The following PPARD variants were observed in gnomAD, a reference collection of about 807,000 sequenced individuals.
PPARD encodes peroxisome proliferator-activated receptor delta.
In PPARD, 6 loss-of-function variants were observed where a neutral mutation model predicts 39.5. The observed-to-expected ratio is 0.15, with a 90% CI of 0.08 to 0.30. The LOEUF (loss-of-function observed/expected upper bound fraction) is 0.30, where lower values mean the gene tolerates loss of function less well. PPARD is among the 10% of genes least tolerant of loss of function. The pLI is 1.00. For synonymous variants in PPARD, 210 were observed against 231.3 expected, an observed-to-expected ratio of 0.91 and a Z score of 0.83; for missense variants, 397 against 596.8, an observed-to-expected ratio of 0.67 and a Z score of 3.49.
chr6:35,359,583 C>T (rs773797620), intron 2 of PPARD, among the ~76,000 whole-genome samples: 15 of 152,068 alleles, frequency 9.9e-5, no homozygotes, highest in Non-Finnish European at 1.8e-4. Context: ...CCCCCTGGCC[C>T]GCTGTTTCTT....
intron 2 of PPARD, among the ~76,000 whole-genome samples, chr6:35,351,023 G>A (rs983062967): frequency 1.3e-5 from 2 of 151,648 alleles, no homozygotes; most frequent in African/African-American, 4.8e-5. Context: ...TTTTTTGTTT[G>A]TTTGTTTGTT....
chr6:35,424,827 C>T lies in PPARD; in HGVS notation c.1078+48C>T, dbSNP rs1260273997. ...GGCTGGCCTGGCACACCCAGTCGTC[C>T]TGGGGGTTGGCCCTCACTGCAGGGC... is the stretch of plus-strand genomic sequence containing the variant. On this transcript the variant is annotated intron_variant, in intron 7 of 7. Coordinates refer to ENST00000360694, the MANE Select transcript of PPARD (RefSeq NM_006238.5). The surrounding 1 kb of genome is among the most constrained non-coding windows in gnomAD (Gnocchi z 7.1). The T allele has an allele frequency of 1.1e-5, 17 of 1,590,008 alleles. No individual in the cohort carries two copies. Among genetic ancestry groups the T allele is most frequent in the Admixed American group, 1.7e-5 (1 of 58,702 alleles).
intron 2 of PPARD, among the ~76,000 whole-genome samples, chr6:35,404,591 C>A (rs1764910058): frequency 6.6e-6 from 1 of 152,180 alleles, no homozygotes; most frequent in Non-Finnish European, 1.5e-5. Context: ...ACCTGAGTCA[C>A]CACGAGGAGT....
chr6:35,402,910 C>T (rs2150738144), intron 2 of PPARD, among the ~76,000 whole-genome samples: 1 of 152,320 alleles, frequency 6.6e-6, no homozygotes, highest in African/African-American at 2.4e-5. Context: ...ATCCCAAAAG[C>T]ACCTGCCACG....
intron 2 of PPARD, among the ~76,000 whole-genome samples, chr6:35,352,016 G>GCACC (rs113149304): frequency 0.074 from 11,169 of 151,734 alleles, 749 homozygotes; most frequent in African/African-American, 0.18. Context: ...CTACATGCAT[G>GCACC]CACCATCATG....
In PPARD at chr6:35,415,408, G is replaced by A. The variant is rs9470019; in HGVS notation, c.130+4191G>A. Reference sequence around the variant, plus strand: ...TGGCTGTCTTCACAGCCATGACAACGGCATTCTCCCAGCATTGGAGGCTAG... The same window carrying A: ...TGGCTGTCTTCACAGCCATGACAACAGCATTCTCCCAGCATTGGAGGCTAG... On this transcript the variant is annotated intron_variant, in intron 3 of 7. Transcript: ENST00000360694. 6.1e-3 allele frequency among the ~76,000 whole-genome samples: 928 copies of A among 152,278 alleles called. 9 individuals are homozygous for A. Among genetic ancestry groups the A allele is most frequent in the African/African-American group, 0.021 (883 of 41,546 alleles).
chr6:35,356,235 T>G (rs1323728888), intron 2 of PPARD, among the ~76,000 whole-genome samples: 5 of 152,230 alleles, frequency 3.3e-5, no homozygotes, highest in Non-Finnish European at 7.3e-5. Flanking sequence ...CTAGGACCAC[T>G]TGATCCTTAT....
At chr6:35,379,582 T>C (rs749023491) in intron 2 of PPARD, among the ~76,000 whole-genome samples, 2 of 152,200 alleles carry the variant, frequency 1.3e-5, no homozygotes, top group Non-Finnish European at 2.9e-5. Context: ...TGCACTCTAG[T>C]TGGAGAGAAT....
intron 2 of PPARD, among the ~76,000 whole-genome samples, chr6:35,378,171 C>G (rs995186584): frequency 1.3e-5 from 2 of 152,056 alleles, no homozygotes; most frequent in African/African-American, 4.8e-5. Context: ...CACGTATCTC[C>G]TTTTTTCAGC....
intron 2 of PPARD, among the ~76,000 whole-genome samples, chr6:35,405,239 A>G (rs1371970451): frequency 6.6e-6 from 1 of 151,702 alleles, no homozygotes; most frequent in Admixed American, 6.6e-5. Flanking sequence ...GGGTTTTGCC[A>G]TGTTGGCCAG....
chr6:35,361,196 A>ATAAC (rs1425345854), intron 2 of PPARD, among the ~76,000 whole-genome samples: 1 of 152,182 alleles, frequency 6.6e-6, no homozygotes, highest in Non-Finnish European at 1.5e-5. Context: ...CATGGGGGTG[A>ATAAC]TAACTGTAGA....
chr6:35,345,874 G>GTTTTT (rs947186291), intron 1 of PPARD, among the ~76,000 whole-genome samples: 16 of 114,606 alleles, frequency 1.4e-4, no homozygotes, highest in East Asian at 2.4e-4. Flanking sequence ...CTTTTTTTTC[G>GTTTTT]TTTTTTTTTT....
chr6:35,418,689 C>G (rs1765940595), intron 3 of PPARD, among the ~76,000 whole-genome samples: 1 of 120,126 alleles, frequency 8.3e-6, no homozygotes, highest in South Asian at 3.0e-4. Flanking sequence ...CTGTCCCAGT[C>G]TGGGTCAAGA....
At chr6:35,374,624 C>A (rs1353482709) in intron 2 of PPARD, among the ~76,000 whole-genome samples, 1 of 149,168 alleles carries the variant, frequency 6.7e-6, no homozygotes, top group East Asian at 2.0e-4. Context: ...CGCCCCTGCA[C>A]TCCAGCCTGG....
chr6:35,419,669 T>G (rs888092737), intron 3 of PPARD, among the ~76,000 whole-genome samples: 1 of 152,218 alleles, frequency 6.6e-6, no homozygotes, highest in Admixed American at 6.5e-5. Flanking sequence ...TCTACAGTCC[T>G]GCAGTTTCTG....
At position 35,380,468 on chromosome 6, in the gene PPARD, T is replaced by G. The variant is rs367754633; in HGVS notation, c.-101-30519T>G. Among the ~76,000 whole-genome samples the G allele has an allele frequency of 8.6e-3, 811 of 94,810 alleles. 8 individuals carry two copies. The highest frequency in any genetic ancestry group is 0.042 in the Middle Eastern group (8 of 192). 62.2% of individuals were successfully genotyped at this position (94,810 alleles called of 152,430 possible). On this transcript the variant is annotated intron_variant, in intron 2 of 7. Transcript: ENST00000360694. ...AGCCAATTAACCTCGTGTTTTTTTT[T>G]TTTGTTTGTTTTTTTTTTTTTTTTT... is the stretch of plus-strand genomic sequence containing the variant.
At chr6:35,398,485 C>T (rs998505938) in intron 2 of PPARD, among the ~76,000 whole-genome samples, 2 of 152,050 alleles carry the variant, frequency 1.3e-5, no homozygotes, top group Non-Finnish European at 2.9e-5. Context: ...ATTGGACATC[C>T]GTGTGGAGGT....
At chr6:35,407,669 A>AAAAT (rs1192472153) in intron 2 of PPARD, among the ~76,000 whole-genome samples, 4 of 150,706 alleles carry the variant, frequency 2.7e-5, no homozygotes, top group Admixed American at 2.0e-4. Context: ...TAATAATAAT[A>AAAAT]AAATAAATAA....
chr6:35,370,547 G>T (rs1762429933), intron 2 of PPARD, among the ~76,000 whole-genome samples: 1 of 152,160 alleles, frequency 6.6e-6, no homozygotes, highest in African/African-American at 2.4e-5. Context: ...TGAGGGTGGT[G>T]GGCACCCACA....
Sources: gnomAD v4.1 joint callset for allele counts (sites outside exome capture counted in the v4.1 genomes callset) on GRCh38, gnomAD v4.1.1 for gene constraint, Gnocchi (gnomAD v3.1) non-coding constraint, MANE v1.5 for transcripts, NCBI Gene and HGNC (gene_info 2026-07-23, HGNC 2026-07-21) for gene names.